KCNH1: variants seen among roughly 807,000 people sequenced by gnomAD.
KCNH1 encodes potassium voltage-gated channel subfamily H member 1, also known as voltage-gated delayed rectifier potassium channel KCNH1.
Under a neutral mutation model 69.2 loss-of-function variants are expected in KCNH1, and 27 were observed. That is an observed-to-expected ratio of 0.39 (90% CI 0.29 to 0.54). The LOEUF (loss-of-function observed/expected upper bound fraction) is 0.54. KCNH1 is among the 20% of genes least tolerant of loss of function. KCNH1 has a pLI of 0.68. For synonymous variants in KCNH1, 456 were observed against 487.7 expected, an observed-to-expected ratio of 0.93 and a Z score of 0.86; for missense variants, 798 against 1,261.6, an observed-to-expected ratio of 0.63 and a Z score of 5.57.
At chr1:211,002,294 A>C (rs927698721) in intron 6 of KCNH1, among the ~76,000 whole-genome samples, 1 of 146,340 alleles carries the variant, frequency 6.8e-6, no homozygotes, top group African/African-American at 2.5e-5. Flanking sequence ...GTATACATGT[A>C]TATATGTATA....
chr1:210,781,643 G>T (rs1364190815), intron 9 of KCNH1, among the ~76,000 whole-genome samples: 1 of 152,100 alleles, frequency 6.6e-6, no homozygotes, highest in African/African-American at 2.4e-5. Context: ...TCATTCAGGG[G>T]GACAATGACA....
intron 6 of KCNH1, among the ~76,000 whole-genome samples, chr1:210,961,899 A>T (rs1688302341): frequency 6.6e-6 from 1 of 152,058 alleles, no homozygotes; most frequent in African/African-American, 2.4e-5. Context: ...CTTGTCTGAT[A>T]ATTTTATCAT....
chr1:210,720,419 T>C (rs759873657), intron 10 of KCNH1, among the ~76,000 whole-genome samples: 49 of 152,206 alleles, frequency 3.2e-4, no homozygotes, highest in Non-Finnish European at 4.4e-4. Context: ...CTCCTTCTTA[T>C]GGCAATGATA....
At chr1:210,738,867 C>G (rs1386181443) in intron 10 of KCNH1, among the ~76,000 whole-genome samples, 1 of 152,066 alleles carries the variant, frequency 6.6e-6, no homozygotes, top group Non-Finnish European at 1.5e-5. Flanking sequence ...CGCCTGACCT[C>G]GATTCTATTG....
At chr1:210,806,326 T>A (rs1371498220) in intron 7 of KCNH1, among the ~76,000 whole-genome samples, 1 of 152,238 alleles carries the variant, frequency 6.6e-6, no homozygotes, top group African/African-American at 2.4e-5. Flanking sequence ...GATGTTAAGC[T>A]TCTTTTCATG....
intron 10 of KCNH1, among the ~76,000 whole-genome samples, chr1:210,743,519 G>A (rs983145032): frequency 6.6e-5 from 10 of 152,134 alleles, no homozygotes; most frequent in Non-Finnish European, 1.2e-4. Flanking sequence ...CCTGAGCAGT[G>A]GGCTGAGGAA....
At chr1:210,897,743 A>C (rs1263285935) in intron 7 of KCNH1, among the ~76,000 whole-genome samples, 1 of 152,210 alleles carries the variant, frequency 6.6e-6, no homozygotes, top group African/African-American at 2.4e-5. Flanking sequence ...TAGCACTAGA[A>C]GAGTGAAAAG....
chr1:211,082,157 A>C (rs1351171531), intron 5 of KCNH1, among the ~76,000 whole-genome samples: 3 of 152,224 alleles, frequency 2.0e-5, no homozygotes, highest in Non-Finnish European at 2.9e-5. Flanking sequence ...TATCAAAATA[A>C]TAACAATTTT....
intron 7 of KCNH1, among the ~76,000 whole-genome samples, chr1:210,853,959 A>AAAACAAAAAC (rs1414843030): frequency 1.1e-4 from 16 of 149,432 alleles, no homozygotes; most frequent in Non-Finnish European, 1.8e-4. Context: ...AAAAAAAAAA[A>AAAACAAAAAC]AAAAAAAAAG....
intron 6 of KCNH1, among the ~76,000 whole-genome samples, chr1:210,956,145 C>A (rs1184512677): frequency 6.6e-6 from 1 of 152,170 alleles, no homozygotes; most frequent in Non-Finnish European, 1.5e-5. Flanking sequence ...GCCTTTACAG[C>A]ATCTATGGAG....
Position 211,059,105 on chromosome 1 carries a change from C to T in KCNH1, c.558+23675G>A, listed in dbSNP as rs1490417198. Reference sequence around the variant, plus strand: ...ACCATCCTGGCTAACATGGTGAAACCCTGTCTCTACTGAAAATACAAAAAA... The same window carrying T: ...ACCATCCTGGCTAACATGGTGAAACTCTGTCTCTACTGAAAATACAAAAAA... On this transcript the variant is annotated intron_variant, in intron 5 of 10. Transcript: ENST00000271751. 2.0e-5 allele frequency among the ~76,000 whole-genome samples: 3 copies of T among 147,682 alleles called. No homozygotes were observed. The East Asian group carries it at 6.2e-4, about 31-fold the overall frequency.
At chr1:210,787,224 C>T (rs150931443) in intron 9 of KCNH1, among the ~76,000 whole-genome samples, 1 of 151,782 alleles carries the variant, frequency 6.6e-6, no homozygotes, top group East Asian at 1.9e-4. Flanking sequence ...ATTCCTGGAA[C>T]ACTTACTCTC....
At chr1:210,904,316 C>A (rs1687052655) in intron 7 of KCNH1, among the ~76,000 whole-genome samples, 1 of 152,174 alleles carries the variant, frequency 6.6e-6, no homozygotes, top group Non-Finnish European at 1.5e-5. Context: ...AGAAGAACAT[C>A]CTTCTTGGGC....
At chr1:210,925,450 A>G (rs927107835) in intron 6 of KCNH1, among the ~76,000 whole-genome samples, 6 of 152,184 alleles carry the variant, frequency 3.9e-5, no homozygotes, top group African/African-American at 1.4e-4. Context: ...TTGCTTTCTC[A>G]GTAGGGAGGC....
At chr1:211,041,062 C>T (rs745625689) in intron 5 of KCNH1, among the ~76,000 whole-genome samples, 15 of 152,318 alleles carry the variant, frequency 9.8e-5, no homozygotes, top group South Asian at 2.1e-4. Flanking sequence ...ATCAACTCAA[C>T]TTTCTTGCTA....
intron 5 of KCNH1, among the ~76,000 whole-genome samples, chr1:211,038,183 G>A (rs912207919): frequency 6.6e-6 from 1 of 151,756 alleles, no homozygotes; most frequent in Non-Finnish European, 1.5e-5. Context: ...GGATGGTCTC[G>A]ATCTCCTGAC....
At chr1:210,697,837 C>T (rs749039032) in intron 10 of KCNH1, among the ~76,000 whole-genome samples, 2 of 152,258 alleles carry the variant, frequency 1.3e-5, no homozygotes, top group Non-Finnish European at 2.9e-5. Context: ...CCCGGCAATC[C>T]TTGTTCCTGG....
rs1472555759 is a variant in KCNH1, at chr1:210,856,755, G to GGAGGTGT, written c.1463-52596_1463-52590dup. On this transcript the variant is annotated intron_variant, in intron 7 of 10. Coordinates refer to ENST00000271751, the MANE Select transcript of KCNH1 (RefSeq NM_172362.3). ...GGAGCACATTGGAATCACCGGTAGA[G>GGAGGTGT]GAGGTGTTTGTTATATATATATGTT... is the stretch of plus-strand genomic sequence containing the variant. Among the ~76,000 whole-genome samples, 3 of 141,032 alleles carry GGAGGTGT rather than the reference G, an allele frequency of 2.1e-5. No homozygotes were observed. In the East Asian group the frequency reaches 6.1e-4, roughly 29 times the overall value. The allele number at this position is 141,032 out of a possible 152,430, so 92.5% of individuals were successfully genotyped here. A position where few individuals can be genotyped will look rare whatever the true frequency, so the allele number is the denominator to read the frequency against.
At chr1:210,762,403 AC>A (rs1558459405) in intron 10 of KCNH1, among the ~76,000 whole-genome samples, 2 of 152,304 alleles carry the variant, frequency 1.3e-5, no homozygotes, top group East Asian at 3.9e-4. Flanking sequence ...TGAAACTGAG[AC>A]CAAAAACCAT....
Sources: gnomAD v4.1 joint callset for allele counts (sites outside exome capture counted in the v4.1 genomes callset) on GRCh38, gnomAD v4.1.1 for gene constraint, MANE v1.5 for transcripts, NCBI Gene and HGNC (gene_info 2026-07-23, HGNC 2026-07-21) for gene names.